MPP7: variants seen among roughly 807,000 people sequenced by gnomAD.
MPP7 encodes MAGUK p55 scaffold protein 7, also known as MAGUK p55 subfamily member 7.
A neutral mutation model predicts 76.5 loss-of-function variants in MPP7; 60 were observed. That is an observed-to-expected ratio of 0.78 (90% CI 0.64 to 0.97). The LOEUF is 0.97. MPP7 is among the 50% of genes least tolerant of loss of function. The pLI, the probability that MPP7 is intolerant of heterozygous loss-of-function variation, is 0.00. For missense variants in MPP7, 641 were observed against 694.0 expected, an observed-to-expected ratio of 0.92 and a Z score of 0.86; for synonymous variants, 237 against 244.5, an observed-to-expected ratio of 0.97 and a Z score of 0.29.
rs1394142496 is a variant in MPP7 at position 28,220,141 on chromosome 10, G to GT, written c.38-17871_38-17870insA. 2.0e-3 allele frequency among the ~76,000 whole-genome samples: 298 copies of GT among 152,182 alleles called. 2 individuals carry two copies. The highest frequency in any genetic ancestry group is 3.3e-3 in the Non-Finnish European group (226 of 67,980). ...ATAAATTCAGGGTGAGTTAACAGGG[G>GT]AACATGCATACAACTTTACCTAACT... On this transcript the variant is annotated intron_variant, in intron 2 of 16. Transcript: ENST00000683449.
intron 13 of MPP7, among the ~76,000 whole-genome samples, chr10:28,065,787 G>T (rs1438782918): frequency 6.6e-6 from 1 of 152,112 alleles, no homozygotes; most frequent in African/African-American, 2.4e-5. Flanking sequence ...CTAGAACATG[G>T]ATGCTTTAAA....
chr10:28,311,393 A>T (rs922257584), intron 2 of MPP7, among the ~76,000 whole-genome samples: 1 of 152,184 alleles, frequency 6.6e-6, no homozygotes, highest in African/African-American at 2.4e-5. Context: ...ACCAATTTAT[A>T]TGTGGTCCCC....
rs1851415080 is a variant in MPP7 at position 28,052,947 on chromosome 10, G to C, written c.*1118C>G. 1 of 152,094 alleles carries C rather than the reference G, an allele frequency of 6.6e-6. No individual in the cohort carries two copies. The highest frequency in any genetic ancestry group is 1.5e-5 in the Non-Finnish European group (1 of 68,012). The allele number at this position is 152,094 out of a possible 1,614,324, so 9.4% of individuals were successfully genotyped here. On this transcript the variant is annotated 3_prime_UTR_variant, in exon 17 of 17. Transcript: ENST00000683449. Reference sequence around the variant, plus strand: ...TGAAAATCAGTAGTATCAAAGAAAAGTGAGAGAACCCATCTAAATATTTAC... The same window carrying C: ...TGAAAATCAGTAGTATCAAAGAAAACTGAGAGAACCCATCTAAATATTTAC...
rs1396338300 is a variant in MPP7, at chr10:28,051,627, G to A, written c.*2438C>T. On this transcript the variant is annotated 3_prime_UTR_variant, in exon 17 of 17. Coordinates refer to ENST00000683449, the MANE Select transcript of MPP7 (RefSeq NM_001318170.2). ...TCCTTGCTGGAGAAGGAGGCTGGGG[G>A]AAGAAAGTACAGAATTCAGGGCCTT... 1.3e-5 allele frequency: 2 copies of A among 152,120 alleles called. No individual in the cohort carries two copies. Among genetic ancestry groups the A allele is most frequent in the Non-Finnish European group, 1.5e-5 (1 of 68,024 alleles). The allele number at this position is 152,120 out of a possible 1,614,324, so 9.4% of individuals were successfully genotyped here.
intron 11 of MPP7, chr10:28,118,870 T>G (rs1415606379): frequency 8.1e-6 from 8 of 985,272 alleles, no homozygotes; most frequent in Non-Finnish European, 9.6e-6. Context: ...TGGTGTAAAA[T>G]TCCAGGGCCA....
At chr10:28,120,021 T>C (rs1834781617) in intron 10 of MPP7, among the ~76,000 whole-genome samples, 173 bp downstream of exon 10, 1 of 152,174 alleles carries the variant, frequency 6.6e-6, no homozygotes. Context: ...TGTCATATTA[T>C]TTTTGGTCAT....
At chr10:28,306,668 T>TAGAGAGAGAGAGAGAGAGAGAGAGAG (rs55731439), upstream of MPP7, among the ~76,000 whole-genome samples, 11 of 148,392 alleles carry the variant, frequency 7.4e-5, no homozygotes, top group African/African-American at 2.8e-4. Context: ...GATAGATAGA[T>TAGAGAGAGAGAGAGAGAGAGAGAGAG]AGAGAGAGAG....
chr10:28,082,168 ATAAAC>A (rs1751489684), intron 12 of MPP7, among the ~76,000 whole-genome samples: 1 of 152,216 alleles, frequency 6.6e-6, no homozygotes, highest in Admixed American at 6.5e-5. Flanking sequence ...TTCTATAATC[ATAAAC>A]TAAACAGTAA....
intron 13 of MPP7, 67 bp from the exon 14 acceptor site, chr10:28,059,810 G>T (rs984558120): frequency 6.1e-5 from 63 of 1,028,466 alleles, no homozygotes; most frequent in Non-Finnish European, 8.4e-5. Flanking sequence ...TACTAAAAAA[G>T]AAATCAAGGG....
At chr10:28,249,654 C>T (rs1005633732) in intron 1 of MPP7, among the ~76,000 whole-genome samples, 1 of 152,190 alleles carries the variant, frequency 6.6e-6, no homozygotes, top group Non-Finnish European at 1.5e-5. Context: ...AGTAAGCAGA[C>T]TCTGCTAGTG....
At chr10:28,225,087 A>G (rs1838645416) in intron 2 of MPP7, among the ~76,000 whole-genome samples, 1 of 152,168 alleles carries the variant, frequency 6.6e-6, no homozygotes. Flanking sequence ...GAGATGAAAA[A>G]CTACATACAG....
At chr10:28,243,430 A>G (rs984333268) in intron 1 of MPP7, among the ~76,000 whole-genome samples, 1 of 151,564 alleles carries the variant, frequency 6.6e-6, no homozygotes, top group African/African-American at 2.4e-5. Context: ...TTGTATCAAC[A>G]TTGGGAAGAT....
intron 1 of MPP7, among the ~76,000 whole-genome samples, chr10:28,275,096 A>T (rs1015134442): frequency 6.6e-6 from 1 of 152,224 alleles, no homozygotes; most frequent in Non-Finnish European, 1.5e-5. Context: ...ACTAAAGAAC[A>T]AGAAATTTGG....
chr10:28,112,694 T>C (rs992614925), intron 11 of MPP7, among the ~76,000 whole-genome samples: 1 of 152,100 alleles, frequency 6.6e-6, no homozygotes. Context: ...GGAAAAAATA[T>C]ATAAAACGTT....
chr10:28,260,121 T>C (rs1367160684), intron 1 of MPP7, among the ~76,000 whole-genome samples: 1 of 152,238 alleles, frequency 6.6e-6, no homozygotes, highest in African/African-American at 2.4e-5. Flanking sequence ...AAACACTATA[T>C]TAGCAGCTAT....
chr10:28,317,672 T>G (rs1749501512), intron 2 of MPP7, among the ~76,000 whole-genome samples: 1 of 152,232 alleles, frequency 6.6e-6, no homozygotes, highest in African/African-American at 2.4e-5. Flanking sequence ...AGTAGTCACA[T>G]GTAATAGTAA....
intron 3 of MPP7, among the ~76,000 whole-genome samples, chr10:28,176,865 C>A (rs1232237916): frequency 2.0e-5 from 2 of 97,838 alleles, no homozygotes; most frequent in Non-Finnish European, 1.9e-5. Flanking sequence ...CATCACACAG[C>A]GGAGCCTGTC....
At chr10:28,079,586 T>C (rs1852664314) in intron 12 of MPP7, among the ~76,000 whole-genome samples, 1 of 152,170 alleles carries the variant, frequency 6.6e-6, no homozygotes, top group African/African-American at 2.4e-5. Flanking sequence ...CCCAAAACCA[T>C]ACATGCACTG....
At chr10:28,247,435 G>A (rs1385033835) in intron 1 of MPP7, among the ~76,000 whole-genome samples, 4 of 152,194 alleles carry the variant, frequency 2.6e-5, no homozygotes. Flanking sequence ...CACAATGGTT[G>A]CAATCATGTA....
Sources: allele counts gnomAD v4.1 joint callset (sites outside exome capture counted in the v4.1 genomes callset), GRCh38; gene constraint gnomAD v4.1.1; transcripts MANE v1.5; gene names NCBI Gene and HGNC (gene_info 2026-07-23, HGNC 2026-07-21).